Variants in CERKL observed in about 807,000 individuals in gnomAD.
CERKL encodes CERK like autophagy regulator.
A neutral mutation model predicts 63.4 loss-of-function variants in CERKL; 61 were observed. The ratio of observed to expected loss-of-function variants is 0.96; its 90% CI spans 0.78 to 1.19. CERKL has a LOEUF of 1.19. CERKL is among the 50% of genes most tolerant of loss of function. The probability of loss-of-function intolerance (pLI) is 0.00; values close to 1 mark genes in which losing one functional copy is unlikely to be tolerated. For missense variants in CERKL, 675 were observed against 655.5 expected (o/e 1.03, Z -0.33); for synonymous variants, 250 against 230.5 (o/e 1.08, Z -0.77).
At chr2:181,565,966 T>C in intron 4 of CERKL, 92 bp downstream of exon 4, 3 of 847,040 alleles carry the variant, frequency 3.5e-6, no homozygotes, top group Non-Finnish European at 5.9e-6. Flanking sequence ...ACAAATATTT[T>C]TAAATGTTAG....
chr2:181,549,577 C>T (rs1687895125), intron 6 of CERKL, 57 bp downstream of exon 6: 2 of 1,269,538 alleles, frequency 1.6e-6, no homozygotes, highest in East Asian at 4.7e-5. Flanking sequence ...AGATGGCCTT[C>T]CTTATATAAA....
intron 1 of CERKL, among the ~76,000 whole-genome samples, chr2:181,651,683 G>GT (rs1233797812): frequency 5.3e-5 from 8 of 152,242 alleles, no homozygotes; most frequent in Admixed American, 6.5e-5. Flanking sequence ...AACTGGGCAA[G>GT]AGAAAGAAGT....
chr2:181,643,849 A>G (rs1259609735), intron 1 of CERKL, among the ~76,000 whole-genome samples: 1 of 152,230 alleles, frequency 6.6e-6, no homozygotes. Flanking sequence ...CCTTTACGGG[A>G]AATAATGACA....
intron 11 of CERKL, 94 bp downstream of exon 11, chr2:181,544,606 T>C: frequency 2.8e-6 from 2 of 719,982 alleles, no homozygotes; most frequent in Non-Finnish European, 4.8e-6. Context: ...AATAAAACCT[T>C]CTTATGAGGC....
Position 181,549,670 on chromosome 2 carries a change from G to T in CERKL, c.859C>A (p.Pro287Thr). ...NVLAHSLHGVPHVITATLHII... is the reference protein window; with the variant it reads ...NVLAHSLHGVTHVITATLHII... ...TGCAATGTTGCAGTTATCACATGAG[G>T]AACTCCATGAAGAGAATGTGCCAAT... The change falls in exon 6 of 13, where the codon CCT becomes ACT. Residue 287 changes from proline to threonine, a missense_variant. Physicochemically the swap from Pro to Thr is conservative, Grantham distance 38. Transcript: ENST00000410087. 1 of 1,612,458 alleles carries T rather than the reference G, an allele frequency of 6.2e-7. No individual in the cohort carries two copies.
At chr2:181,616,008 T>C (rs1022372679) in intron 1 of CERKL, among the ~76,000 whole-genome samples, 1 of 152,058 alleles carries the variant, frequency 6.6e-6, no homozygotes, top group Non-Finnish European at 1.5e-5. Flanking sequence ...GACAGAAAAT[T>C]ACAGTCCAAT....
At chr2:181,538,614 T>C (rs1321284158) in intron 12 of CERKL, among the ~76,000 whole-genome samples, 1 of 152,120 alleles carries the variant, frequency 6.6e-6, no homozygotes, top group Non-Finnish European at 1.5e-5. Context: ...CCAGTTGCTA[T>C]GTAAAATTGT....
chr2:181,621,839 T>C (rs1218126385), intron 1 of CERKL, among the ~76,000 whole-genome samples: 1 of 152,204 alleles, frequency 6.6e-6, no homozygotes, highest in Non-Finnish European at 1.5e-5. Flanking sequence ...AGTTTTTTTT[T>C]AGAAAGATAA....
At chr2:181,594,019 C>A (rs112997638) in intron 2 of CERKL, among the ~76,000 whole-genome samples, 1 of 152,042 alleles carries the variant, frequency 6.6e-6, no homozygotes, top group Non-Finnish European at 1.5e-5. Context: ...AAAATATTGA[C>A]CACAATAAAA....
chr2:181,627,451 G>A (rs1686761333), intron 1 of CERKL, among the ~76,000 whole-genome samples: 1 of 152,192 alleles, frequency 6.6e-6, no homozygotes, highest in African/African-American at 2.4e-5. Context: ...ATGTGATGCT[G>A]CTACTCTTGC....
chr2:181,562,560 A>G (rs1258409375), intron 4 of CERKL, among the ~76,000 whole-genome samples: 2 of 152,220 alleles, frequency 1.3e-5, no homozygotes, highest in African/African-American at 4.8e-5. Context: ...ATTTATAGTG[A>G]GTTAATCACA....
chr2:181,636,933 G>T (rs1188598805), intron 1 of CERKL, among the ~76,000 whole-genome samples: 1 of 152,156 alleles, frequency 6.6e-6, no homozygotes, highest in East Asian at 1.9e-4. Flanking sequence ...TCTTCCTGAA[G>T]ATTGTGAATA....
chr2:181,623,796 T>G (rs1198071527), intron 1 of CERKL, among the ~76,000 whole-genome samples: 1 of 152,230 alleles, frequency 6.6e-6, no homozygotes, highest in Non-Finnish European at 1.5e-5. Context: ...GACCTCATTC[T>G]GCAGCTGAAC....
At chr2:181,560,254 A>T (rs1251254707) in intron 4 of CERKL, among the ~76,000 whole-genome samples, 2 of 152,188 alleles carry the variant, frequency 1.3e-5, no homozygotes, top group East Asian at 3.9e-4. Context: ...CAAAAAGACT[A>T]TGTGGAGTCA....
chr2:181,636,455 T>C (rs1260076969), intron 1 of CERKL, among the ~76,000 whole-genome samples: 2 of 150,426 alleles, frequency 1.3e-5, no homozygotes, highest in African/African-American at 5.0e-5. Flanking sequence ...TCTATCCTGC[T>C]ACCTAATTTA....
intron 2 of CERKL, among the ~76,000 whole-genome samples, chr2:181,580,630 G>A (rs981372458): frequency 6.6e-6 from 1 of 152,118 alleles, no homozygotes; most frequent in Non-Finnish European, 1.5e-5. Flanking sequence ...TTTAAAATGT[G>A]ATAAACATAT....
intron 1 of CERKL, among the ~76,000 whole-genome samples, chr2:181,655,188 A>AG (rs55764112): frequency 0.69 from 105,516 of 152,092 alleles, 37,129 homozygotes; most frequent in East Asian, 0.92. Flanking sequence ...GATGTATTTT[A>AG]AACTCTACTG....
rs180684822 is a variant in CERKL, at chr2:181,598,896, C to T, written c.481+4941G>A. 1.8e-3 allele frequency among the ~76,000 whole-genome samples: 272 copies of T among 152,038 alleles called. 1 individual carries two copies. The highest frequency in any genetic ancestry group is 4.9e-4 in the Non-Finnish European group (33 of 67,998). On this transcript the variant is annotated intron_variant, in intron 2 of 12. Transcript: ENST00000410087. Reference sequence around the variant, plus strand: ...GGAAAAAAAAAAAAAGTTTAAGTCCCGCCCAACCAATAGGAAATTCAAAAA... The same window carrying T: ...GGAAAAAAAAAAAAAGTTTAAGTCCTGCCCAACCAATAGGAAATTCAAAAA...
At chr2:181,616,209 T>A in intron 1 of CERKL, among the ~76,000 whole-genome samples, 1 of 138,902 alleles carries the variant, frequency 7.2e-6, no homozygotes, top group Non-Finnish European at 1.5e-5. Flanking sequence ...AATCTAAATT[T>A]TTTTTTTTTT....
Sources: gnomAD v4.1 joint callset for allele counts (sites outside exome capture counted in the v4.1 genomes callset) on GRCh38, gnomAD v4.1.1 for gene constraint, MANE v1.5 for transcripts, NCBI Gene and HGNC (gene_info 2026-07-23, HGNC 2026-07-21) for gene names.